Variants in PDPR observed in about 807,000 individuals in gnomAD.
The protein encoded by PDPR is pyruvate dehydrogenase phosphatase regulatory subunit, also known as pyruvate dehydrogenase phosphatase regulatory subunit, mitochondrial.
PDPR carries 50 observed loss-of-function variants against 102.2 expected under a neutral mutation model. That is an observed-to-expected ratio of 0.49 (90% CI 0.39 to 0.62). The LOEUF (loss-of-function observed/expected upper bound fraction) is 0.62, where lower values mean the gene tolerates loss of function less well. Ranked by LOEUF, PDPR falls within the 20% of genes least tolerant of loss-of-function variation. The probability of loss-of-function intolerance (pLI) is 0.00; values close to 1 mark genes in which losing one functional copy is unlikely to be tolerated. For synonymous variants in PDPR, 259 were observed against 406.0 expected (o/e 0.64, Z 4.35); for missense variants, 625 against 1,098.2 (o/e 0.57, Z 6.09).
At chr16:70,143,982 C>T (rs368608588) in intron 14 of PDPR, among the ~76,000 whole-genome samples, 1 of 152,300 alleles carries the variant, frequency 6.6e-6, no homozygotes, top group Non-Finnish European at 1.5e-5. Flanking sequence ...GCCTGGACCT[C>T]CTGGGCTCAA....
intron 2 of PDPR, among the ~76,000 whole-genome samples, chr16:70,115,978 TCCTTCGTTG>T (rs1466682818): frequency 6.6e-6 from 1 of 151,866 alleles, no homozygotes; most frequent in Non-Finnish European, 1.5e-5. Context: ...TGCCTTCTTT[TCCTTCGTTG>T]TCTTAAGCCC....
At chr16:70,130,629 A>G (rs1964447811) in intron 7 of PDPR, 85 bp downstream of exon 7, 1 of 1,546,342 alleles carries the variant, frequency 6.5e-7, no homozygotes, top group African/African-American at 1.4e-5. Flanking sequence ...TAGTATTGTG[A>G]TTGGTTATAC....
In PDPR at chr16:70,151,340, A is replaced by T. The variant is rs1052468605; in HGVS notation, c.2053-2051A>T. Among the ~76,000 whole-genome samples, 3 of 152,264 alleles carry T rather than the reference A, an allele frequency of 2.0e-5. No homozygotes were observed. The East Asian group carries it at 5.8e-4, about 29-fold the overall frequency. On this transcript the variant is annotated intron_variant, in intron 17 of 18. Transcript: ENST00000288050. ...CATCTCAGCCTCCCAAAGTGTTGGG[A>T]TTACCGGCGTGAGCCACTGTGTCTG...
chr16:70,127,042 C>T, intron 3 of PDPR, among the ~76,000 whole-genome samples: 1 of 152,360 alleles, frequency 6.6e-6, no homozygotes. Flanking sequence ...GAGATGGGTT[C>T]TCCCTGTGTT....
intron 2 of PDPR, among the ~76,000 whole-genome samples, chr16:70,119,743 TTTTATTTGTATG>T (rs1963022051): frequency 6.7e-6 from 1 of 149,044 alleles, no homozygotes; most frequent in African/African-American, 2.5e-5. Flanking sequence ...TTATTTACTG[TTTTATTTGTATG>T]TTTATTTGTA....
chr16:70,127,282 TTC>T lies in PDPR; in HGVS notation c.252_253del (p.Phe84LeufsTer14), dbSNP rs1388728475. Reference sequence around the variant, plus strand: ...CAGGCTGGCTGCTGGCTCTACCAGGTTCTGTGCTGGCATCCTGAGCACTGCCA... The same window carrying T: ...CAGGCTGGCTGCTGGCTCTACCAGGTTGTGCTGGCATCCTGAGCACTGCCA... ...QGRLAAGSTR[F>X]CAGILSTARH... On this transcript the variant is annotated frameshift_variant, in exon 4 of 19. Transcript: ENST00000288050. LOFTEE classifies it high-confidence loss of function. The T allele has an allele frequency of 6.2e-7, 1 of 1,606,292 alleles. No individual in the cohort carries two copies. The highest frequency in any genetic ancestry group is 1.3e-5 in the African/African-American group (1 of 74,796).
chr16:70,156,438 T>C (rs756399382), intron 18 of PDPR, 37 bp from the exon 19 acceptor site: 2 of 1,605,928 alleles, frequency 1.2e-6, no homozygotes, highest in South Asian at 2.2e-5. Flanking sequence ...AGGGTCTGAG[T>C]GTCGCTGGAT....
intron 9 of PDPR, among the ~76,000 whole-genome samples, chr16:70,134,259 T>G (rs1964863197): frequency 6.6e-6 from 1 of 151,932 alleles, no homozygotes. Context: ...GGAGTCTTGC[T>G]CTGTTGCCCA....
chr16:70,134,089 G>T (rs532223749), intron 9 of PDPR, among the ~76,000 whole-genome samples: 1 of 152,250 alleles, frequency 6.6e-6, no homozygotes, highest in Non-Finnish European at 1.5e-5. Flanking sequence ...TTTAGGAGGA[G>T]ACTTCTTTCA....
intron 10 of PDPR, among the ~76,000 whole-genome samples, chr16:70,138,038 CTTTTT>C (rs200071207): frequency 3.4e-5 from 4 of 118,360 alleles, no homozygotes; most frequent in African/African-American, 1.0e-4. Flanking sequence ...ATACCCAGCT[CTTTTT>C]TTTTTTTTTT....
At chr16:70,141,804 T>C (rs564840606) in intron 11 of PDPR, among the ~76,000 whole-genome samples, 2 of 152,276 alleles carry the variant, frequency 1.3e-5, no homozygotes, top group Non-Finnish European at 2.9e-5. Context: ...TAGACTACAT[T>C]AGCCTGGAAA....
chr16:70,149,798 A>G (rs1417675294), intron 17 of PDPR, among the ~76,000 whole-genome samples: 5 of 152,018 alleles, frequency 3.3e-5, no homozygotes, highest in African/African-American at 1.2e-4. Flanking sequence ...CTTCTCCAGA[A>G]CCTTTTTTTT....
At chr16:70,138,137 G>T (rs1316003175) in intron 10 of PDPR, among the ~76,000 whole-genome samples, 1 of 150,040 alleles carries the variant, frequency 6.7e-6, no homozygotes, top group Admixed American at 6.7e-5. Context: ...TGCCTCCCGG[G>T]TTCAGGTGAT....
At position 70,115,655 on chromosome 16, in the gene PDPR, A is replaced by G. The variant is rs1282406382; in HGVS notation, c.-33+725A>G. The stretch of plus-strand genomic sequence containing the variant: ...GTCCACTGTGCGCAACGCTGCAGCC[A>G]TACAGAGGGACAACTCGAAGTTAGA... On this transcript the variant is annotated intron_variant, in intron 2 of 18. Transcript: ENST00000288050. Among the ~76,000 whole-genome samples the G allele has an allele frequency of 2.6e-5, 4 of 152,222 alleles. No homozygotes were observed. The South Asian group carries it at 8.3e-4, about 31-fold the overall frequency.
intron 3 of PDPR, among the ~76,000 whole-genome samples, chr16:70,124,353 A>G (rs959870912): frequency 6.6e-6 from 1 of 152,276 alleles, no homozygotes; most frequent in Non-Finnish European, 1.5e-5. Flanking sequence ...ACAGAGTGAG[A>G]CTGTCTCAAA....
chr16:70,162,780 C>G (rs1967908360), downstream of PDPR, among the ~76,000 whole-genome samples: 1 of 152,270 alleles, frequency 6.6e-6, no homozygotes, highest in Non-Finnish European at 1.5e-5. Context: ...CAGCTGACCT[C>G]AGGAGGAACC....
chr16:70,134,785 C>CAAAAA (rs373669213), intron 9 of PDPR, among the ~76,000 whole-genome samples: 5 of 137,124 alleles, frequency 3.6e-5, no homozygotes, highest in Middle Eastern at 3.8e-3. Context: ...GACTCCATCT[C>CAAAAA]AAAAAAAAAA....
At position 70,162,124 on chromosome 16, in the gene PDPR, CCTT is replaced by C. The variant is rs1299578737; in HGVS notation, c.*5250_*5252del. 1.1e-4 allele frequency: 17 copies of C among 152,626 alleles called. No individual in the cohort carries two copies. The highest frequency in any genetic ancestry group is 2.1e-4 in the South Asian group (1 of 4,828). 9.5% of individuals were successfully genotyped at this position (152,626 alleles called of 1,614,324 possible). On this transcript the variant is annotated 3_prime_UTR_variant, in exon 19 of 19. Transcript: ENST00000288050. ...TTCCCATCCGCCCCACATAGCCTCT[CCTT>C]CTTCGGAACAATGGGCGTGGGGTAG...
At chr16:70,117,906 A>G (rs1962811308) in intron 2 of PDPR, among the ~76,000 whole-genome samples, 1 of 152,096 alleles carries the variant, frequency 6.6e-6, no homozygotes, top group Admixed American at 6.6e-5. Context: ...CAGCCTAATC[A>G]ACATGGTGAA....
Sources: allele counts gnomAD v4.1 joint callset (sites outside exome capture counted in the v4.1 genomes callset), GRCh38; gene constraint gnomAD v4.1.1; transcripts MANE v1.5; gene names NCBI Gene and HGNC (gene_info 2026-07-23, HGNC 2026-07-21).